INTS8: variants seen among roughly 807,000 people sequenced by gnomAD.
INTS8 encodes the protein protein kaonashi-1.
A neutral mutation model predicts 138.9 loss-of-function variants in INTS8; 47 were observed. That is an observed-to-expected ratio of 0.34 (90% CI 0.27 to 0.43). The LOEUF (loss-of-function observed/expected upper bound fraction) is 0.43, where lower values mean the gene tolerates loss of function less well. INTS8 is among the 20% of genes least tolerant of loss of function. The pLI is 1.00. For synonymous variants in INTS8, 392 were observed against 400.9 expected, an observed-to-expected ratio of 0.98 and a Z score of 0.27; for missense variants, 996 against 1,173.0, an observed-to-expected ratio of 0.85 and a Z score of 2.20.
At chr8:94,856,676 A>G in intron 14 of INTS8, 101 bp from the exon 15 acceptor site, 2 of 934,588 alleles carry the variant, frequency 2.1e-6, no homozygotes, top group Non-Finnish European at 3.4e-6. Flanking sequence ...AACGTTAACC[A>G]TTTGAAATAA....
rs769633903 is a variant in INTS8, at chr8:94,823,547, G to T, written c.116G>T (p.Arg39Leu). The T allele has an allele frequency of 9.5e-5, 150 of 1,577,194 alleles. No individual in the cohort carries two copies. Among genetic ancestry groups the T allele is most frequent in the Non-Finnish European group, 1.2e-4 (144 of 1,162,572 alleles). Reference protein sequence around the residue: ...LEESLLEKHLRKPCPDPAPVQ... With the variant: ...LEESLLEKHLLKPCPDPAPVQ... ...GAGTCACTGTTGGAGAAACATCTGC[G>T]CAAGCCCTGCCCGGGTGAGCGCGGC... The change falls in exon 1 of 27, where the codon CGC (arginine) becomes CTC (leucine). Residue 39 changes from arginine to leucine, a missense_variant. Coordinates refer to ENST00000523731, the MANE Select transcript of INTS8 (RefSeq NM_017864.4).
intron 5 of INTS8, among the ~76,000 whole-genome samples, chr8:94,830,140 C>T (rs1814659970): frequency 6.6e-6 from 1 of 152,210 alleles, no homozygotes; most frequent in African/African-American, 2.4e-5. Context: ...AAGTGATCCA[C>T]CCACCTTGGC....
At chr8:94,852,519 G>T (rs1815582961) in intron 13 of INTS8, among the ~76,000 whole-genome samples, 1 of 151,980 alleles carries the variant, frequency 6.6e-6, no homozygotes, top group South Asian at 2.1e-4. Context: ...ATATGGTAAT[G>T]CTCGTAACTA....
chr8:94,866,312 G>T (rs573319390), intron 18 of INTS8, 121 bp downstream of exon 18: 46 of 653,828 alleles, frequency 7.0e-5, no homozygotes, highest in Non-Finnish European at 1.2e-4. Flanking sequence ...TTTTTTTAAG[G>T]GACAGGGTCT....
chr8:94,831,746 C>A (rs913816744), intron 5 of INTS8, among the ~76,000 whole-genome samples: 2 of 152,134 alleles, frequency 1.3e-5, no homozygotes, highest in African/African-American at 4.8e-5. Context: ...TCCCAAAGTG[C>A]TGGGATTATA....
intron 16 of INTS8, among the ~76,000 whole-genome samples, chr8:94,860,791 C>G (rs531162429): frequency 6.6e-6 from 1 of 151,958 alleles, no homozygotes; most frequent in South Asian, 2.1e-4. Flanking sequence ...TGCAGTGGCT[C>G]ACGCCTGCAA....
intron 10 of INTS8, among the ~76,000 whole-genome samples, chr8:94,844,956 G>A (rs558185995): frequency 3.3e-5 from 5 of 150,992 alleles, no homozygotes; most frequent in East Asian, 3.9e-4. Context: ...GTTTTGTCAC[G>A]TTGTCCAGGC....
intron 20 of INTS8, 36 bp downstream of exon 20, chr8:94,867,373 G>A (rs1816218488): frequency 6.6e-7 from 1 of 1,518,082 alleles, no homozygotes; most frequent in Middle Eastern, 1.8e-4. Flanking sequence ...TATTAATTGA[G>A]TTATGTATTT....
At chr8:94,863,429 C>G (rs1390348304) in intron 16 of INTS8, among the ~76,000 whole-genome samples, 1 of 152,236 alleles carries the variant, frequency 6.6e-6, no homozygotes, top group Non-Finnish European at 1.5e-5. Flanking sequence ...TTCCCATATT[C>G]TTTTCTCTGT....
intron 20 of INTS8, among the ~76,000 whole-genome samples, chr8:94,868,197 T>G (rs1047029163): frequency 6.6e-6 from 1 of 152,186 alleles, no homozygotes; most frequent in East Asian, 1.9e-4. Flanking sequence ...GAAGAAATCA[T>G]GTACATTTTT....
intron 16 of INTS8, among the ~76,000 whole-genome samples, chr8:94,861,267 T>TTTC: frequency 1.3e-5 from 1 of 75,574 alleles, no homozygotes; most frequent in African/African-American, 5.4e-5. Flanking sequence ...TTTTTTTTTT[T>TTTC]TTTTTTTTTT....
In INTS8 at chr8:94,853,838, C is replaced by T. The variant is rs1341826074; in HGVS notation, c.1675C>T (p.Leu559=). The T allele has an allele frequency of 6.2e-7, 1 of 1,610,430 alleles. No individual in the cohort carries two copies. The highest frequency in any genetic ancestry group is 8.5e-7 in the Non-Finnish European group (1 of 1,176,894). Reference sequence around the variant, plus strand: ...ACCTTCTGTCTATAGTGGTGTTATCCTGGGAATTAAAGACAATTTAACAAG... The same window carrying T: ...ACCTTCTGTCTATAGTGGTGTTATCTTGGGAATTAAAGACAATTTAACAAG... The part of the protein sequence containing the change: ...EVPSVYSGVI[L]GIKDNLTRDL... The change falls in exon 14 of 27, where the codon CTG becomes TTG. Residue 559 remains leucine, a synonymous_variant. Transcript: ENST00000523731.
intron 15 of INTS8, among the ~76,000 whole-genome samples, chr8:94,858,494 G>A (rs965850511): frequency 1.3e-5 from 2 of 152,194 alleles, no homozygotes; most frequent in Non-Finnish European, 2.9e-5. Flanking sequence ...TTAAAAGTGG[G>A]AGGTAGGTTT....
chr8:94,859,842 C>T (rs960749292), intron 16 of INTS8: 3 of 482,124 alleles, frequency 6.2e-6, no homozygotes, highest in Non-Finnish European at 1.1e-5. Flanking sequence ...AATTCATGAG[C>T]ATGTAGTCAC....
chr8:94,836,097 A>T (rs1476007366), intron 6 of INTS8, among the ~76,000 whole-genome samples: 1 of 152,184 alleles, frequency 6.6e-6, no homozygotes, highest in African/African-American at 2.4e-5. Flanking sequence ...CAACAGCGAC[A>T]GTAAAATCTA....
chr8:94,869,539 C>T (rs981454765), intron 20 of INTS8, among the ~76,000 whole-genome samples: 8 of 152,038 alleles, frequency 5.3e-5, no homozygotes, highest in Non-Finnish European at 7.4e-5. Flanking sequence ...GTTGCCCAGG[C>T]TGGAGTGCAG....
intron 15 of INTS8, among the ~76,000 whole-genome samples, chr8:94,858,256 A>G (rs148671254): frequency 1.2e-4 from 18 of 152,368 alleles, no homozygotes; most frequent in Admixed American, 5.2e-4. Flanking sequence ...TCAGAACAGA[A>G]GCAAGTGCTA....
At chr8:94,867,583 G>A (rs1816228857) in intron 20 of INTS8, 1 of 358,038 alleles carries the variant, frequency 2.8e-6, no homozygotes, top group Admixed American at 4.8e-5. Flanking sequence ...GAATGCAGTG[G>A]TACAATCTCT....
At chr8:94,850,611 CAAAA>C (rs11313192) in intron 12 of INTS8, among the ~76,000 whole-genome samples, 22 of 93,224 alleles carry the variant, frequency 2.4e-4, no homozygotes, top group African/African-American at 3.3e-4. Context: ...GACTCCGACT[CAAAA>C]AAAAAAAAAA....
Sources: gnomAD v4.1 joint callset for allele counts (sites outside exome capture counted in the v4.1 genomes callset) on GRCh38, gnomAD v4.1.1 for gene constraint, MANE v1.5 for transcripts, NCBI Gene and HGNC (gene_info 2026-07-23, HGNC 2026-07-21) for gene names.